The following KIF16B variants were observed in gnomAD, a reference collection of about 807,000 sequenced individuals.
KIF16B encodes the protein kinesin family member 16B, also known as kinesin-like protein KIF16B.
A neutral mutation model predicts 156.3 loss-of-function variants in KIF16B; 98 were observed. The ratio of observed to expected loss-of-function variants is 0.63; its 90% CI spans 0.53 to 0.74. KIF16B has a LOEUF of 0.74. Among genes scored for constraint, KIF16B ranks in the 30% least tolerant of loss-of-function variants. KIF16B has a pLI of 0.00. For synonymous variants in KIF16B, 564 were observed against 583.7 expected (o/e 0.97, Z 0.49); for missense variants, 1,421 against 1,606.5 (o/e 0.88, Z 1.97).
At chr20:16,517,654 A>C (rs1381491443) in intron 3 of KIF16B, among the ~76,000 whole-genome samples, 1 of 152,142 alleles carries the variant, frequency 6.6e-6, no homozygotes, top group Non-Finnish European at 1.5e-5. Context: ...CCCCTCCCTG[A>C]ACTTCTCTTA....
At position 16,406,443 on chromosome 20, in the gene KIF16B, G is replaced by A. The variant is rs1420641095; in HGVS notation, c.1626C>T (p.Leu542=). 1.9e-6 allele frequency: 3 copies of A among 1,613,272 alleles called. No homozygotes were observed. The highest frequency in any genetic ancestry group is 2.7e-5 in the African/African-American group (2 of 74,842). The change falls in exon 16 of 26, where the codon CTC becomes CTT. Residue 542 remains leucine (L), a synonymous_variant. Coordinates refer to ENST00000354981, the MANE Select transcript of KIF16B (RefSeq NM_024704.5). ...ATHLNQGAVI[L]LGRTNMFRFN... is the part of the protein sequence containing the mutation. ...AGCGAAACATATTGGTTCTTCCCAAGAGAATCACAGCACCTGAAAACACAC... is the reference window on the plus strand; with the variant it reads ...AGCGAAACATATTGGTTCTTCCCAAAAGAATCACAGCACCTGAAAACACAC...
In KIF16B at chr20:16,512,819, G is replaced by A; in HGVS notation, c.446+7C>T. The stretch of plus-strand genomic sequence containing the variant: ...TCACACACAGTTACCCAGGCCACAG[G>A]CCCTACCTGACTTCAGTTCGAAAAG... On this transcript the variant is annotated splice_region_variant and intron_variant, in intron 5 of 25. Transcript: ENST00000354981. 1 of 1,604,088 alleles carries A rather than the reference G, an allele frequency of 6.2e-7. No homozygotes were observed. Among genetic ancestry groups the A allele is most frequent in the South Asian group, 1.1e-5 (1 of 90,864 alleles).
chr20:16,440,533 GCACACACACACACACACA>G (rs71192333), intron 12 of KIF16B, among the ~76,000 whole-genome samples: 181 of 138,350 alleles, frequency 1.3e-3, no homozygotes, highest in African/African-American at 3.7e-3. Context: ...ACAAGCGCGC[GCACACACACACACACACA>G]CACACACACA....
intron 12 of KIF16B, among the ~76,000 whole-genome samples, chr20:16,451,705 G>A (rs2067085682): frequency 6.6e-6 from 1 of 152,182 alleles, no homozygotes; most frequent in East Asian, 1.9e-4. Context: ...CCTATCCAGT[G>A]CTGTCGAAGA....
intron 25 of KIF16B, among the ~76,000 whole-genome samples, chr20:16,293,538 G>A (rs1306687809): frequency 6.6e-6 from 1 of 152,136 alleles, no homozygotes; most frequent in Non-Finnish European, 1.5e-5. Flanking sequence ...GAAGCTACTA[G>A]AGAGGTGTTT....
chr20:16,413,421 A>G (rs1200350630), intron 15 of KIF16B, among the ~76,000 whole-genome samples: 1 of 152,134 alleles, frequency 6.6e-6, no homozygotes, highest in African/African-American at 2.4e-5. Flanking sequence ...CATTAATATC[A>G]CCAATAATTA....
In KIF16B at chr20:16,442,880, A is replaced by C. The variant is rs1600409382; in HGVS notation, c.1303-12898T>G. Reference sequence around the variant, plus strand: ...GAGGAAGAAAAGAAGGAAAAGGAACAAACTTCCAGCTTCTCACAATTCCCT... The same window carrying C: ...GAGGAAGAAAAGAAGGAAAAGGAACCAACTTCCAGCTTCTCACAATTCCCT... On this transcript the variant is annotated intron_variant, in intron 12 of 25. Coordinates refer to ENST00000354981, the MANE Select transcript of KIF16B (RefSeq NM_024704.5). Among the ~76,000 whole-genome samples, 3 of 152,158 alleles carry C rather than the reference A, an allele frequency of 2.0e-5. No individual in the cohort carries two copies. The South Asian group carries it at 6.2e-4, about 32-fold the overall frequency.
In KIF16B at chr20:16,439,174, A is replaced by G. The variant is rs577893968; in HGVS notation, c.1303-9192T>C. Among the ~76,000 whole-genome samples, 3 of 152,210 alleles carry G rather than the reference A, an allele frequency of 2.0e-5. No individual in the cohort carries two copies. The East Asian group carries it at 5.8e-4, about 29-fold the overall frequency. On this transcript the variant is annotated intron_variant, in intron 12 of 25. Coordinates refer to ENST00000354981, the MANE Select transcript of KIF16B (RefSeq NM_024704.5). ...TCAGACTTCACAGAGCTCTACCCGC[A>G]TGATATGGTCAGAATCATCCACAAC...
intron 25 of KIF16B, among the ~76,000 whole-genome samples, 183 bp from the exon 26 acceptor site, chr20:16,273,594 G>A (rs2063014869): frequency 6.6e-6 from 1 of 152,044 alleles, no homozygotes; most frequent in South Asian, 2.1e-4. Flanking sequence ...AGCCCAGGAG[G>A]TAGAGGCTGC....
At chr20:16,386,790 T>C (rs958241810) in intron 17 of KIF16B, among the ~76,000 whole-genome samples, 4 of 152,096 alleles carry the variant, frequency 2.6e-5, no homozygotes, top group Non-Finnish European at 5.9e-5. Context: ...GGCTCCTATA[T>C]GACCAAGGGA....
chr20:16,303,133 T>G (rs1487304164), intron 25 of KIF16B, among the ~76,000 whole-genome samples: 1 of 152,332 alleles, frequency 6.6e-6, no homozygotes, highest in South Asian at 2.1e-4. Context: ...ATCAGGAACC[T>G]ATCCAAATAT....
intron 9 of KIF16B, among the ~76,000 whole-genome samples, chr20:16,505,328 G>T (rs928326164): frequency 6.6e-5 from 10 of 151,368 alleles, no homozygotes; most frequent in Non-Finnish European, 1.3e-4. Context: ...TATGCATTGG[G>T]TTTTTTTTTC....
chr20:16,462,898 T>C (rs2067386302), intron 12 of KIF16B, among the ~76,000 whole-genome samples: 2 of 152,210 alleles, frequency 1.3e-5, no homozygotes, highest in African/African-American at 4.8e-5. Flanking sequence ...GTCAACCACA[T>C]GTTCAGTAAA....
At chr20:16,362,536 T>C (rs184254616) in intron 22 of KIF16B, among the ~76,000 whole-genome samples, 181 of 152,322 alleles carry the variant, frequency 1.2e-3, no homozygotes, top group African/African-American at 4.1e-3. Context: ...TACTTGGAAA[T>C]ATATATTTCT....
chr20:16,379,732 T>G lies in KIF16B; in HGVS notation c.2270A>C (p.Glu757Ala). 6.2e-7 allele frequency: 1 copy of G among 1,614,168 alleles called. No homozygotes were observed. The highest frequency in any genetic ancestry group is 8.5e-7 in the Non-Finnish European group (1 of 1,180,034). Residue 757 changes from glutamate to alanine, a missense_variant, in exon 19 of 26, where the codon GAG becomes GCG. Transcript: ENST00000354981. ...EKKRLEEQEK[E>A]QVMLVAHLEE... Reference sequence around the variant, plus strand: ...CAGATGGGCCACGAGCATGACCTGCTCCTTCTCCTGCTCCTCTAGTCTCTT... The same window carrying G: ...CAGATGGGCCACGAGCATGACCTGCGCCTTCTCCTGCTCCTCTAGTCTCTT...
At chr20:16,466,982 C>T (rs142959499) in intron 12 of KIF16B, among the ~76,000 whole-genome samples, 122 of 152,302 alleles carry the variant, frequency 8.0e-4, no homozygotes, top group African/African-American at 2.7e-3. Flanking sequence ...CAGAAGTCCA[C>T]GTTCTCATGC....
At chr20:16,529,778 C>T (rs1175743811) in intron 1 of KIF16B, among the ~76,000 whole-genome samples, 1 of 152,118 alleles carries the variant, frequency 6.6e-6, no homozygotes, top group African/African-American at 2.4e-5. Flanking sequence ...ACGGAGAAAC[C>T]CCATCTCTAC....
chr20:16,429,908 G>T lies in KIF16B; in HGVS notation c.1377C>A (p.Ile459=), dbSNP rs150166086. The T allele has an allele frequency of 6.2e-7, 1 of 1,612,030 alleles. No homozygotes were observed. The highest frequency in any genetic ancestry group is 1.7e-4 in the Middle Eastern group (1 of 6,046). The change falls in exon 13 of 26, where the codon ATC becomes ATA. Residue 459 remains isoleucine, a synonymous_variant. Transcript: ENST00000354981. The part of the protein sequence containing the change: ...LDSELPHLIG[I]DDDLLSTGII... ...TTCCAGTACTCAAAAGGTCATCATC[G>T]ATGCCAATCAAATGAGGCAGTTCAG...
intron 22 of KIF16B, chr20:16,368,368 G>A: frequency 1.0e-6 from 1 of 988,916 alleles, no homozygotes; most frequent in East Asian, 1.1e-4. Flanking sequence ...GCCAACCCGA[G>A]CTTCCGGAGA....
Sources: allele counts gnomAD v4.1 joint callset (sites outside exome capture counted in the v4.1 genomes callset), GRCh38; gene constraint gnomAD v4.1.1; transcripts MANE v1.5; gene names NCBI Gene and HGNC (gene_info 2026-07-23, HGNC 2026-07-21).